Variants in IL13RA1 observed in about 807,000 individuals in gnomAD.
IL13RA1 encodes the protein interleukin-13 receptor subunit alpha-1.
A neutral mutation model predicts 33.8 loss-of-function variants in IL13RA1; 14 were observed. The observed-to-expected ratio is 0.41, with a 90% CI of 0.27 to 0.65. IL13RA1 has a LOEUF of 0.65. Among genes scored for constraint, IL13RA1 ranks in the 30% least tolerant of loss-of-function variants. The probability of loss-of-function intolerance (pLI) is 0.28; values close to 1 mark genes in which losing one functional copy is unlikely to be tolerated. For synonymous variants in IL13RA1, 116 were observed against 115.7 expected (o/e 1.00, Z -0.02); for missense variants, 313 against 327.0 (o/e 0.96, Z 0.33).
intron 8 of IL13RA1, among the ~76,000 whole-genome samples, chrX:118,768,234 C>T (rs1396915455): frequency 4.5e-5 from 5 of 112,149 alleles, no homozygotes; most frequent in Non-Finnish European, 9.4e-5. Context: ...ATGTGCCAGG[C>T]ATGGTTGTAT....
At chrX:118,739,580 T>C (rs763671438) in intron 1 of IL13RA1, among the ~76,000 whole-genome samples, 79 of 112,309 alleles carry the variant, frequency 7.0e-4, no homozygotes, top group African/African-American at 2.5e-3. Context: ...TAAACTTCTA[T>C]GTTGAAATAA....
chrX:118,761,929 T>G (rs1398773334), intron 6 of IL13RA1, among the ~76,000 whole-genome samples: 1 of 112,090 alleles, frequency 8.9e-6, no homozygotes, highest in Non-Finnish European at 1.9e-5. Flanking sequence ...GAACAAAATG[T>G]AGCAGGAAAA....
intron 10 of IL13RA1, among the ~76,000 whole-genome samples, chrX:118,784,146 T>TATATAC (rs1314874573): frequency 1.1e-5 from 1 of 89,081 alleles, no homozygotes; most frequent in Non-Finnish European, 2.1e-5. Flanking sequence ...TATATATATA[T>TATATAC]ACGTATATAC....
chrX:118,747,029 T>C lies in IL13RA1; in HGVS notation c.304T>C (p.Cys102Arg). 3 of 1,156,792 alleles carry C rather than the reference T, an allele frequency of 2.6e-6. No individual in the cohort carries two copies. The highest frequency in any genetic ancestry group is 3.5e-6 in the Non-Finnish European group (3 of 845,852). Residue 102 changes from cysteine (C) to arginine (R), a missense_variant, in exon 3 of 11, where the codon TGT (cysteine) becomes CGT (arginine). By Grantham distance (180) the Cys-to-Arg change is radical (BLOSUM62 -3). Coordinates refer to ENST00000371666, the MANE Select transcript of IL13RA1 (RefSeq NM_001560.3). The part of the protein sequence containing the change: ...ERICLQVGSQ[C>R]STNESEKPSI... ...GATTTGTCTGCAAGTGGGGTCCCAG[T>C]GTAGCACCAATGAGAGTGAGAAGCC... is the stretch of plus-strand genomic sequence containing the variant.
intron 6 of IL13RA1, among the ~76,000 whole-genome samples, chrX:118,762,461 A>G (rs2017600090): frequency 8.9e-6 from 1 of 112,070 alleles, no homozygotes; most frequent in South Asian, 3.7e-4. Flanking sequence ...GCACGTGGGT[A>G]AATTCCTTGG....
intron 4 of IL13RA1, among the ~76,000 whole-genome samples, chrX:118,753,362 G>C (rs924056446): frequency 8.9e-6 from 1 of 112,778 alleles, no homozygotes; most frequent in Non-Finnish European, 1.9e-5. Flanking sequence ...CCTCTGGGCT[G>C]AAGCAGGCTC....
At chrX:118,729,608 G>C (rs1322592163) in intron 1 of IL13RA1, among the ~76,000 whole-genome samples, 1 of 112,348 alleles carries the variant, frequency 8.9e-6, no homozygotes, top group African/African-American at 3.2e-5. Flanking sequence ...AGTTTAACCT[G>C]TCCCACTCAA....
At chrX:118,779,802 G>T (rs1169997470) in intron 10 of IL13RA1, among the ~76,000 whole-genome samples, 1 of 111,930 alleles carries the variant, frequency 8.9e-6, no homozygotes, top group East Asian at 2.8e-4. Context: ...TGGTGAGTCT[G>T]TGTGGGTGAT....
At chrX:118,779,927 T>C (rs1166746469) in intron 10 of IL13RA1, among the ~76,000 whole-genome samples, 1 of 111,852 alleles carries the variant, frequency 8.9e-6, no homozygotes, top group Admixed American at 9.5e-5. Context: ...GATGGGAAAA[T>C]TGCTTTTTTC....
At chrX:118,758,905 A>C (rs983375020) in intron 5 of IL13RA1, 2 of 111,856 alleles carry the variant, frequency 1.8e-5, no homozygotes, top group Admixed American at 9.5e-5. Flanking sequence ...ATGAAGTTTC[A>C]ACATGAGTTT....
At chrX:118,769,393 A>G (rs977094282) in intron 8 of IL13RA1, among the ~76,000 whole-genome samples, 5 of 112,546 alleles carry the variant, frequency 4.4e-5, no homozygotes, top group Non-Finnish European at 9.4e-5. Context: ...TATTTACTAA[A>G]TCCTTCCGGA....
At chrX:118,766,404 T>C (rs1249182450) in intron 6 of IL13RA1, 126 bp from the exon 7 acceptor site, 3 of 388,454 alleles carry the variant, frequency 7.7e-6, no homozygotes, top group East Asian at 4.2e-5. Context: ...GCCAACCTTT[T>C]TTCACTGTAC....
intron 2 of IL13RA1, 48 bp downstream of exon 2, chrX:118,741,204 T>C (rs772014598): frequency 1.2e-6 from 1 of 862,750 alleles, no homozygotes; most frequent in Non-Finnish European, 1.7e-6. Context: ...GTGAACACTA[T>C]GAATTGGAGC....
At chrX:118,784,129 G>GTATATATATATA (rs72041786) in intron 10 of IL13RA1, among the ~76,000 whole-genome samples, 6 of 61,501 alleles carry the variant, frequency 9.8e-5, no homozygotes, top group South Asian at 8.6e-4. Context: ...GTATATATAT[G>GTATATATATATA]TATATATATA....
the IL13RA1 span, among the ~76,000 whole-genome samples, chrX:118,802,544 C>G: frequency 9.0e-6 from 1 of 111,371 alleles, no homozygotes; most frequent in African/African-American, 3.3e-5. Flanking sequence ...TGATGCAGGG[C>G]AAGTTTCTTT....
At chrX:118,798,985 G>A (rs963742993), downstream of IL13RA1, among the ~76,000 whole-genome samples, 3 of 111,467 alleles carry the variant, frequency 2.7e-5, no homozygotes, top group Non-Finnish European at 3.8e-5. Flanking sequence ...CCGGGGCTGC[G>A]TGAGGCGCTT....
intron 10 of IL13RA1, among the ~76,000 whole-genome samples, chrX:118,789,730 G>A (rs760872829): frequency 4.5e-5 from 5 of 111,017 alleles, no homozygotes; most frequent in Non-Finnish European, 9.5e-5. Context: ...TAGGTGTAAA[G>A]AGCCCTTTCC....
Position 118,771,607 on chromosome X carries a change from G to A in IL13RA1, c.1010-2272G>A, listed in dbSNP as rs2017722223. ...TTCCCAGGGACAGTGACACCATAAT[G>A]TTGCAGGTTTGGTCTGGCACTCTGC... is the stretch of plus-strand genomic sequence containing the variant. On this transcript the variant is annotated intron_variant, in intron 8 of 10. Transcript: ENST00000371666. Among the ~76,000 whole-genome samples, 3 of 112,366 alleles carry A rather than the reference G, an allele frequency of 2.7e-5. No individual in the cohort carries two copies. The South Asian group carries it at 1.1e-3, about 41-fold the overall frequency.
At chrX:118,783,755 T>TACACACACAC (rs142945515) in intron 10 of IL13RA1, among the ~76,000 whole-genome samples, 16,576 of 100,701 alleles carry the variant, frequency 0.16, 1,378 homozygotes, top group East Asian at 0.41. Context: ...AAATCCATAT[T>TACACACACAC]ACACACACAC....
Sources: allele counts gnomAD v4.1 joint callset (sites outside exome capture counted in the v4.1 genomes callset), GRCh38; gene constraint gnomAD v4.1.1; transcripts MANE v1.5; gene names NCBI Gene and HGNC (gene_info 2026-07-23, HGNC 2026-07-21).